Variants in CAP2 observed in about 807,000 individuals in gnomAD.
The protein encoded by CAP2 is cyclase associated actin cytoskeleton regulatory protein 2.
Under a neutral mutation model 57.7 loss-of-function variants are expected in CAP2, and 24 were observed. That is an observed-to-expected ratio of 0.42 (90% CI 0.30 to 0.58). CAP2 has a LOEUF of 0.58. Among genes scored for constraint, CAP2 ranks in the 20% least tolerant of loss-of-function variants. CAP2 has a pLI of 0.22. For synonymous variants in CAP2, 194 were observed against 207.2 expected, an observed-to-expected ratio of 0.94 and a Z score of 0.55; for missense variants, 501 against 590.3, an observed-to-expected ratio of 0.85 and a Z score of 1.57.
chr6:17,490,449 C>A (rs1424443606), intron 4 of CAP2, among the ~76,000 whole-genome samples: 1 of 152,142 alleles, frequency 6.6e-6, no homozygotes, highest in South Asian at 2.1e-4. Flanking sequence ...CAATTAGACA[C>A]CATATGGATT....
chr6:17,532,740 TA>T (rs1554129687), intron 7 of CAP2, among the ~76,000 whole-genome samples: 13 of 124,210 alleles, frequency 1.0e-4, no homozygotes, highest in East Asian at 5.5e-4. Flanking sequence ...TGAGCGATAC[TA>T]AAAAAAAAAA....
chr6:17,412,426 C>G (rs1306849629), intron 1 of CAP2, among the ~76,000 whole-genome samples: 2 of 152,180 alleles, frequency 1.3e-5, no homozygotes, highest in African/African-American at 4.8e-5. Flanking sequence ...GAGACTCAGA[C>G]AGATTAAGTA....
chr6:17,440,948 G>T (rs1299271025), intron 3 of CAP2, among the ~76,000 whole-genome samples: 3 of 151,036 alleles, frequency 2.0e-5, no homozygotes, highest in Admixed American at 2.0e-4. Flanking sequence ...GCAATAGTTT[G>T]CTCAGAATGA....
At chr6:17,505,766 G>A (rs551500087) in intron 4 of CAP2, among the ~76,000 whole-genome samples, 58 of 152,298 alleles carry the variant, frequency 3.8e-4, no homozygotes, top group African/African-American at 1.3e-3. Flanking sequence ...AACACACCTA[G>A]AGAAATTAGA....
chr6:17,502,043 C>G (rs1371697281), intron 4 of CAP2, among the ~76,000 whole-genome samples: 3 of 152,170 alleles, frequency 2.0e-5, no homozygotes, highest in Non-Finnish European at 2.9e-5. Context: ...AAAAAGTAAT[C>G]TGAGTGACAT....
intron 4 of CAP2, among the ~76,000 whole-genome samples, chr6:17,505,366 C>T (rs997163302): frequency 2.6e-5 from 4 of 152,172 alleles, no homozygotes; most frequent in Admixed American, 2.0e-4. Context: ...GTTTGCTGTC[C>T]GTGGCAGAAA....
rs1423407033 is a variant in CAP2, at chr6:17,535,378, G to A, written c.637-3891G>A. On this transcript the variant is annotated intron_variant, in intron 7 of 12. Coordinates refer to ENST00000229922, the MANE Select transcript of CAP2 (RefSeq NM_006366.3). ...CAACCTCTGCCTCCCAGGTTCAAGC[G>A]ATTCTCCTGCCTCAGCCTCCTGAGT... is the stretch of plus-strand genomic sequence containing the variant. Among the ~76,000 whole-genome samples, 16 of 151,350 alleles carry A rather than the reference G, an allele frequency of 1.1e-4. No homozygotes were observed. In the East Asian group the frequency reaches 2.6e-3, roughly 24 times the overall value.
At chr6:17,419,234 T>C (rs1759365654) in intron 1 of CAP2, among the ~76,000 whole-genome samples, 1 of 152,204 alleles carries the variant, frequency 6.6e-6, no homozygotes, top group Non-Finnish European at 1.5e-5. Context: ...GAAATAAATG[T>C]ATTGCCTGGT....
chr6:17,486,421 C>T (rs150508858), intron 4 of CAP2, among the ~76,000 whole-genome samples: 64 of 151,354 alleles, frequency 4.2e-4, no homozygotes, highest in African/African-American at 1.3e-3. Flanking sequence ...CTGGGCAACA[C>T]GACAAAACCC....
rs182448777 is a variant in CAP2 at position 17,524,338 on chromosome 6, A to C, written c.636+10384A>C. Among the ~76,000 whole-genome samples, 156 of 152,296 alleles carry C rather than the reference A, an allele frequency of 1.0e-3. 1 individual carries two copies. In the East Asian group the frequency reaches 0.028, roughly 27 times the overall value. On this transcript the variant is annotated intron_variant, in intron 7 of 12. Coordinates refer to ENST00000229922, the MANE Select transcript of CAP2 (RefSeq NM_006366.3). ...TCTAAGTAAATGTGTTCTATTTAGA[A>C]CTGTTTTTATTATCTCATAAATACC...
At chr6:17,484,350 G>T (rs1363702050) in intron 4 of CAP2, among the ~76,000 whole-genome samples, 1 of 152,128 alleles carries the variant, frequency 6.6e-6, no homozygotes, top group East Asian at 1.9e-4. Flanking sequence ...ACAAGCTCCT[G>T]TGTCATGAAT....
intron 7 of CAP2, chr6:17,530,965 G>C (rs1358128621): frequency 1.3e-6 from 2 of 1,538,774 alleles, no homozygotes; most frequent in African/African-American, 1.4e-5. Context: ...TCTACAAAAT[G>C]GGTGGTCTTT....
intron 4 of CAP2, among the ~76,000 whole-genome samples, chr6:17,488,807 C>G (rs1436647161): frequency 6.6e-6 from 1 of 152,210 alleles, no homozygotes; most frequent in Non-Finnish European, 1.5e-5. Context: ...CACACTTGGT[C>G]TTGAATTATA....
At chr6:17,554,692 C>T (rs977701160) in intron 12 of CAP2, among the ~76,000 whole-genome samples, 2 of 152,224 alleles carry the variant, frequency 1.3e-5, no homozygotes, top group African/African-American at 4.8e-5. Flanking sequence ...GCTTATCAGA[C>T]ACATGAGGTT....
intron 4 of CAP2, among the ~76,000 whole-genome samples, chr6:17,502,363 A>G (rs1220440551): frequency 6.6e-6 from 1 of 152,210 alleles, no homozygotes; most frequent in African/African-American, 2.4e-5. Flanking sequence ...GTTCTCTTCT[A>G]TTTTTGATTC....
At chr6:17,519,425 T>C (rs1368226411) in intron 7 of CAP2, among the ~76,000 whole-genome samples, 2 of 152,208 alleles carry the variant, frequency 1.3e-5, no homozygotes, top group Non-Finnish European at 2.9e-5. Context: ...TTTACCATGG[T>C]AAATGGAATC....
In CAP2 at chr6:17,424,366, C is replaced by G. The variant is rs542618825; in HGVS notation, c.122-2224C>G. 9.0e-4 allele frequency among the ~76,000 whole-genome samples: 137 copies of G among 152,288 alleles called. 2 individuals are homozygous for G. The highest frequency in any genetic ancestry group is 3.0e-3 in the African/African-American group (123 of 41,550). On this transcript the variant is annotated intron_variant, in intron 2 of 12. Transcript: ENST00000229922. Reference sequence around the variant, plus strand: ...AGTGAGCCGAGATCGCGCCACTGCACTCCAGCCTGGGCGACACAGAGCAAG... The same window carrying G: ...AGTGAGCCGAGATCGCGCCACTGCAGTCCAGCCTGGGCGACACAGAGCAAG...
intron 4 of CAP2, among the ~76,000 whole-genome samples, chr6:17,506,661 G>T (rs1466854092): frequency 2.6e-5 from 4 of 151,768 alleles, no homozygotes; most frequent in Non-Finnish European, 5.9e-5. Context: ...GGTTGCGGGG[G>T]AGGCCTCAGT....
At chr6:17,473,117 C>T (rs1761064275) in intron 4 of CAP2, among the ~76,000 whole-genome samples, 1 of 151,800 alleles carries the variant, frequency 6.6e-6, no homozygotes, top group Admixed American at 6.6e-5. Context: ...GAATGGCTGC[C>T]CAAAGGAAGT....
Sources: allele counts gnomAD v4.1 joint callset (sites outside exome capture counted in the v4.1 genomes callset), GRCh38; gene constraint gnomAD v4.1.1; transcripts MANE v1.5; gene names NCBI Gene and HGNC (gene_info 2026-07-23, HGNC 2026-07-21).